The following ZCCHC7 variants were observed in gnomAD, a reference collection of about 807,000 sequenced individuals.
The protein encoded by ZCCHC7 is zinc finger CCHC domain-containing protein 7.
A neutral mutation model predicts 52.0 loss-of-function variants in ZCCHC7; 35 were observed. That is an observed-to-expected ratio of 0.67 (90% CI 0.51 to 0.89). ZCCHC7 has a LOEUF of 0.89. Among genes scored for constraint, ZCCHC7 ranks in the 40% least tolerant of loss-of-function variants. The probability of loss-of-function intolerance (pLI) is 0.00; values close to 1 mark genes in which losing one functional copy is unlikely to be tolerated. For synonymous variants in ZCCHC7, 217 were observed against 221.5 expected (o/e 0.98, Z 0.18); for missense variants, 574 against 649.1 (o/e 0.88, Z 1.26).
At position 37,299,112 on chromosome 9, in the gene ZCCHC7, A is replaced by G. The variant is rs148932672; in HGVS notation, c.611-3076A>G. Among the ~76,000 whole-genome samples the G allele has an allele frequency of 9.4e-4, 143 of 152,302 alleles. 1 individual carries two copies. Among genetic ancestry groups the G allele is most frequent in the African/African-American group, 3.2e-3 (133 of 41,560 alleles). On this transcript the variant is annotated intron_variant, in intron 2 of 8. Coordinates refer to ENST00000336755, the MANE Select transcript of ZCCHC7 (RefSeq NM_032226.3). The stretch of plus-strand genomic sequence containing the variant: ...CCCAGTTATCAGCAAGAACAACCCT[A>G]TAAAAGCAGCTATGGGTTGATGACA...
intron 2 of ZCCHC7, among the ~76,000 whole-genome samples, chr9:37,128,373 G>A (rs369944255): frequency 6.6e-6 from 1 of 152,150 alleles, no homozygotes; most frequent in Non-Finnish European, 1.5e-5. Context: ...GGGAGAGGGC[G>A]GGGGATAATT....
intron 2 of ZCCHC7, among the ~76,000 whole-genome samples, chr9:37,196,521 G>A (rs1823295357): frequency 6.6e-6 from 1 of 152,008 alleles, no homozygotes; most frequent in African/African-American, 2.4e-5. Context: ...AGCGATTTTG[G>A]GACTTATTAT....
At chr9:37,158,158 T>C (rs1269513965) in intron 2 of ZCCHC7, among the ~76,000 whole-genome samples, 1 of 152,242 alleles carries the variant, frequency 6.6e-6, no homozygotes, top group Non-Finnish European at 1.5e-5. Context: ...TAGTCATTTT[T>C]AGTCAGTGGG....
At chr9:37,223,154 TA>T (rs147063519) in intron 2 of ZCCHC7, among the ~76,000 whole-genome samples, 9 of 149,450 alleles carry the variant, frequency 6.0e-5, no homozygotes, top group Admixed American at 2.0e-4. Flanking sequence ...AGGAACAGTT[TA>T]AAAAAAAAAG....
rs534362316 is a variant in ZCCHC7 at position 37,340,841 on chromosome 9, A to C, written c.988-8516A>C. Among the ~76,000 whole-genome samples, 29 of 152,314 alleles carry C rather than the reference A, an allele frequency of 1.9e-4. 3 individuals carry two copies. The South Asian group carries it at 6.0e-3, about 32-fold the overall frequency. Reference sequence around the variant, plus strand: ...GATTTCATTCCTATTAAGCCCTAGTACATGATAGTTTATTAAAATGAGAGT... The same window carrying C: ...GATTTCATTCCTATTAAGCCCTAGTCCATGATAGTTTATTAAAATGAGAGT... On this transcript the variant is annotated intron_variant, in intron 6 of 8. Transcript: ENST00000336755.
At chr9:37,242,763 C>T (rs1317399259) in intron 2 of ZCCHC7, among the ~76,000 whole-genome samples, 3 of 151,724 alleles carry the variant, frequency 2.0e-5, no homozygotes, top group Non-Finnish European at 4.4e-5. Flanking sequence ...TTTATATTTA[C>T]ATTTTACATT....
intron 2 of ZCCHC7, among the ~76,000 whole-genome samples, chr9:37,147,669 C>T (rs573342192): frequency 6.6e-6 from 1 of 152,010 alleles, no homozygotes; most frequent in South Asian, 2.1e-4. Context: ...ATATGTCAAT[C>T]ATATTAGGAA....
At chr9:37,146,553 G>T (rs1843444034) in intron 2 of ZCCHC7, among the ~76,000 whole-genome samples, 1 of 151,834 alleles carries the variant, frequency 6.6e-6, no homozygotes, top group Non-Finnish European at 1.5e-5. Context: ...AAAAACGTGT[G>T]GTAGCTGTAT....
intron 6 of ZCCHC7, among the ~76,000 whole-genome samples, chr9:37,339,977 ACT>A (rs2118464651): frequency 6.6e-6 from 1 of 152,262 alleles, no homozygotes; most frequent in African/African-American, 2.4e-5. Context: ...GAAATAGGAC[ACT>A]GAGGCAGCTC....
intron 2 of ZCCHC7, among the ~76,000 whole-genome samples, chr9:37,278,034 G>GTGTGTTT (rs74182939): frequency 6.2e-4 from 88 of 142,958 alleles, no homozygotes; most frequent in African/African-American, 1.1e-3. Flanking sequence ...GTGTGTGTGT[G>GTGTGTTT]TGTTTTGTTT....
intron 2 of ZCCHC7, among the ~76,000 whole-genome samples, chr9:37,223,433 T>C (rs947105246): frequency 1.3e-5 from 2 of 152,124 alleles, no homozygotes; most frequent in Non-Finnish European, 2.9e-5. Flanking sequence ...ATGAAATATC[T>C]TGAATAGGCA....
intron 2 of ZCCHC7, among the ~76,000 whole-genome samples, chr9:37,215,833 G>T (rs561499592): frequency 6.6e-6 from 1 of 152,242 alleles, no homozygotes; most frequent in Non-Finnish European, 1.5e-5. Flanking sequence ...AAGCTGTAAA[G>T]CCTTTACTGC....
At position 37,357,567 on chromosome 9, in the gene ZCCHC7, A is replaced by T. The variant is rs1052708730; in HGVS notation, c.*299A>T. ...ATTCATCTTTTCAAGAAAGTGTTTT[A>T]AAAATACTTTGGGAAAAAAACTGCA... is the stretch of plus-strand genomic sequence containing the variant. On this transcript the variant is annotated 3_prime_UTR_variant, in exon 9 of 9. Transcript: ENST00000336755. 4 of 199,866 alleles carry T rather than the reference A, an allele frequency of 2.0e-5. No individual in the cohort carries two copies. Among genetic ancestry groups the T allele is most frequent in the Non-Finnish European group, 4.0e-5 (4 of 100,068 alleles). 12.4% of individuals were successfully genotyped at this position (199,866 alleles called of 1,614,324 possible).
intron 2 of ZCCHC7, among the ~76,000 whole-genome samples, chr9:37,181,915 G>A (rs900859290): frequency 1.3e-5 from 2 of 152,022 alleles, no homozygotes; most frequent in Non-Finnish European, 2.9e-5. Flanking sequence ...AAACTTCTGG[G>A]CTCAAGCCAT....
intron 2 of ZCCHC7, among the ~76,000 whole-genome samples, chr9:37,170,770 G>A (rs1474616026): frequency 1.3e-5 from 2 of 152,012 alleles, no homozygotes; most frequent in African/African-American, 4.8e-5. Flanking sequence ...ACAAATACTT[G>A]GACATTCTAG....
chr9:37,176,819 A>C (rs926385497), intron 2 of ZCCHC7, among the ~76,000 whole-genome samples: 1 of 152,206 alleles, frequency 6.6e-6, no homozygotes, highest in African/African-American at 2.4e-5. Context: ...CTGAAGATAT[A>C]TCGGAAATGG....
intron 2 of ZCCHC7, among the ~76,000 whole-genome samples, chr9:37,271,733 C>T (rs1827423559): frequency 6.6e-6 from 1 of 152,054 alleles, no homozygotes; most frequent in African/African-American, 2.4e-5. Flanking sequence ...ACATGCCTGG[C>T]TAATTTTTGT....
At chr9:37,192,726 A>G (rs1472682183) in intron 2 of ZCCHC7, among the ~76,000 whole-genome samples, 1 of 152,208 alleles carries the variant, frequency 6.6e-6, no homozygotes, top group East Asian at 1.9e-4. Context: ...CAGTCCTTCA[A>G]CAAAGATATC....
At chr9:37,203,077 G>T (rs372727318) in intron 2 of ZCCHC7, among the ~76,000 whole-genome samples, 1 of 152,286 alleles carries the variant, frequency 6.6e-6, no homozygotes, top group Non-Finnish European at 1.5e-5. Flanking sequence ...GGAAGTGCAG[G>T]GTGGTATCTT....
Sources: gnomAD v4.1 joint callset for allele counts (sites outside exome capture counted in the v4.1 genomes callset) on GRCh38, gnomAD v4.1.1 for gene constraint, MANE v1.5 for transcripts, NCBI Gene and HGNC (gene_info 2026-07-23, HGNC 2026-07-21) for gene names.